PRKCQ: variants seen among roughly 807,000 people sequenced by gnomAD.
PRKCQ encodes the protein protein kinase C theta type.
PRKCQ carries 41 observed loss-of-function variants against 91.2 expected under a neutral mutation model. That is an observed-to-expected ratio of 0.45 (90% CI 0.35 to 0.58). The LOEUF is 0.58. PRKCQ is among the 20% of genes least tolerant of loss of function. The pLI, the probability that PRKCQ is intolerant of heterozygous loss-of-function variation, is 0.00. For missense variants in PRKCQ, 673 were observed against 896.5 expected (o/e 0.75, Z 3.18); for synonymous variants, 307 against 316.9 (o/e 0.97, Z 0.33).
chr10:6,483,616 G>C lies in PRKCQ; in HGVS notation c.1019-16C>G, dbSNP rs376970890. 41 of 1,612,412 alleles carry C rather than the reference G, an allele frequency of 2.5e-5. No homozygotes were observed. The highest frequency in any genetic ancestry group is 2.1e-4 in the South Asian group (19 of 90,870). On this transcript the variant is annotated splice_polypyrimidine_tract_variant and intron_variant, in intron 10 of 17. Coordinates refer to ENST00000263125, the MANE Select transcript of PRKCQ (RefSeq NM_006257.5). ...CCCTGAGGCTCTGAAAATGCAAGCT[G>C]GTGGTTAAAAATGAACATGGAGTAA...
At chr10:6,476,505 G>C (rs1255393802) in intron 12 of PRKCQ, among the ~76,000 whole-genome samples, 2 of 152,116 alleles carry the variant, frequency 1.3e-5, no homozygotes, top group Non-Finnish European at 1.5e-5. Flanking sequence ...ACATGCAAAT[G>C]TTCTTGCTTA....
chr10:6,479,793 AAATC>A (rs1836488461), intron 11 of PRKCQ, among the ~76,000 whole-genome samples: 1 of 148,518 alleles, frequency 6.7e-6, no homozygotes, highest in Admixed American at 6.8e-5. Context: ...AAAAAAAAAA[AAATC>A]CAAAAATTAG....
chr10:6,521,073 A>G (rs1440935070), intron 1 of PRKCQ, among the ~76,000 whole-genome samples: 1 of 152,146 alleles, frequency 6.6e-6, no homozygotes, highest in Non-Finnish European at 1.5e-5. Context: ...AGGGGAAGAG[A>G]CAGAGTGCCA....
At chr10:6,464,572 C>T (rs1039967469) in intron 12 of PRKCQ, among the ~76,000 whole-genome samples, 168 bp from the exon 13 acceptor site, 3 of 152,196 alleles carry the variant, frequency 2.0e-5, no homozygotes, top group Non-Finnish European at 4.4e-5. Flanking sequence ...GTCAGCCTCC[C>T]TAGTAGCTGG....
chr10:6,446,357 G>GTTTTT (rs66839272), intron 15 of PRKCQ, among the ~76,000 whole-genome samples: 72 of 79,596 alleles, frequency 9.0e-4, no homozygotes, highest in Admixed American at 1.5e-3. Context: ...ACTATGCTCA[G>GTTTTT]TTTTTTTTTT....
chr10:6,414,384 G>A, the PRKCQ span, among the ~76,000 whole-genome samples: 46,983 of 152,064 alleles, frequency 0.31, 7,811 homozygotes, highest in African/African-American at 0.44. Flanking sequence ...GAAATGTCCA[G>A]TTCTCACCAA....
chr10:6,440,465 G>A (rs1001856249), intron 16 of PRKCQ, among the ~76,000 whole-genome samples: 1 of 152,158 alleles, frequency 6.6e-6, no homozygotes, highest in Non-Finnish European at 1.5e-5. Flanking sequence ...CCAGTTCAGG[G>A]GTAGGAGGCT....
the PRKCQ span, among the ~76,000 whole-genome samples, chr10:6,401,255 C>G: frequency 6.6e-6 from 1 of 152,216 alleles, no homozygotes; most frequent in South Asian, 2.1e-4. Context: ...GAAACCATCT[C>G]TACCTATGTA....
In PRKCQ at chr10:6,449,583, C is replaced by T. The variant is rs28882172; in HGVS notation, c.1647+7091G>A. Among the ~76,000 whole-genome samples the T allele has an allele frequency of 6.4e-3, 967 of 151,870 alleles. 10 individuals carry two copies. Among genetic ancestry groups the T allele is most frequent in the African/African-American group, 0.022 (900 of 41,370 alleles). On this transcript the variant is annotated intron_variant, in intron 15 of 17. Coordinates refer to ENST00000263125, the MANE Select transcript of PRKCQ (RefSeq NM_006257.5). ...ATTCAGATTCAGGAAATACAGAGAA[C>T]GCCACAAAGATACTCCTCGAGAAGA...
At chr10:6,546,328 C>A (rs1361521061) in intron 1 of PRKCQ, among the ~76,000 whole-genome samples, 5 of 152,180 alleles carry the variant, frequency 3.3e-5, no homozygotes, top group Admixed American at 2.6e-4. Context: ...TCACTCCACA[C>A]ACCATCCAGG....
intron 1 of PRKCQ, among the ~76,000 whole-genome samples, chr10:6,525,970 T>C (rs551992886): frequency 1.3e-5 from 2 of 152,310 alleles, no homozygotes; most frequent in Non-Finnish European, 2.9e-5. Flanking sequence ...TCACCCACAA[T>C]CTGCTGGTAT....
intron 16 of PRKCQ, among the ~76,000 whole-genome samples, chr10:6,436,565 C>T (rs1048281648): frequency 2.0e-5 from 3 of 152,164 alleles, no homozygotes; most frequent in Admixed American, 1.3e-4. Flanking sequence ...AGAGTCACGC[C>T]CACCCTCCTG....
At chr10:6,456,623 C>G in intron 15 of PRKCQ, 51 bp downstream of exon 15, 1 of 1,591,838 alleles carries the variant, frequency 6.3e-7, no homozygotes, top group Non-Finnish European at 8.6e-7. Context: ...GAAGCAATGG[C>G]ATGTGGCCAG....
chr10:6,447,622 T>C, intron 15 of PRKCQ, among the ~76,000 whole-genome samples: 1 of 152,142 alleles, frequency 6.6e-6, no homozygotes, highest in African/African-American at 2.4e-5. Context: ...GTGTTTTTCA[T>C]GTGTAGCTCC....
rs775917156 is a variant in PRKCQ, at chr10:6,462,411, C to G, written c.1446-46G>C. 5.0e-6 allele frequency: 8 copies of G among 1,587,682 alleles called. No homozygotes were observed. The Admixed American group carries it at 1.0e-4, about 20-fold the overall frequency. ...GTTCAACATGAATGTTGTCATGGAA[C>G]GAAATAAAATCCCAAACCCAGACTG... is the stretch of plus-strand genomic sequence containing the variant. On this transcript the variant is annotated intron_variant, in intron 13 of 17. Transcript: ENST00000263125.
At chr10:6,524,588 C>A (rs757981420) in intron 1 of PRKCQ, among the ~76,000 whole-genome samples, 1 of 152,202 alleles carries the variant, frequency 6.6e-6, no homozygotes, top group South Asian at 2.1e-4. Flanking sequence ...GGGACAGGTA[C>A]GGGTAGACTT....
chr10:6,485,876 G>C (rs547388230), intron 9 of PRKCQ, among the ~76,000 whole-genome samples, 159 bp downstream of exon 9: 2 of 152,318 alleles, frequency 1.3e-5, no homozygotes, highest in Non-Finnish European at 2.9e-5. Flanking sequence ...CTCAAAGATA[G>C]GGGGTGTGGG....
At chr10:6,532,173 T>C (rs1227802857) in intron 1 of PRKCQ, among the ~76,000 whole-genome samples, 6 of 152,212 alleles carry the variant, frequency 3.9e-5, no homozygotes, top group African/African-American at 7.2e-5. Flanking sequence ...TTCTGAGCAG[T>C]GTAGCAGCAT....
At chr10:6,565,011 CA>C (rs1257759856) in intron 1 of PRKCQ, among the ~76,000 whole-genome samples, 1 of 152,172 alleles carries the variant, frequency 6.6e-6, no homozygotes, top group Non-Finnish European at 1.5e-5. Context: ...CTCTATCTTG[CA>C]AAAGACTAAG....
Sources: allele counts gnomAD v4.1 joint callset (sites outside exome capture counted in the v4.1 genomes callset), GRCh38; gene constraint gnomAD v4.1.1; transcripts MANE v1.5; gene names NCBI Gene and HGNC (gene_info 2026-07-23, HGNC 2026-07-21).